The following CSGALNACT2 variants were observed in gnomAD, a reference collection of about 807,000 sequenced individuals.
CSGALNACT2 encodes the protein chondroitin sulfate N-acetylgalactosaminyltransferase 2.
CSGALNACT2 carries 35 observed loss-of-function variants against 55.3 expected under a neutral mutation model. That is an observed-to-expected ratio of 0.63 (90% CI 0.48 to 0.84). The LOEUF (loss-of-function observed/expected upper bound fraction) is 0.84. CSGALNACT2 is among the 40% of genes least tolerant of loss of function. The pLI is 0.00. For synonymous variants in CSGALNACT2, 196 were observed against 224.9 expected (o/e 0.87, Z 1.15); for missense variants, 544 against 657.5 (o/e 0.83, Z 1.89).
intron 4 of CSGALNACT2, chr10:43,162,486 A>G (rs1244978558): frequency 4.1e-6 from 4 of 985,376 alleles, no homozygotes; most frequent in Non-Finnish European, 4.8e-6. Flanking sequence ...GATGCTGAGT[A>G]TGTGGGGTGG....
At chr10:43,176,370 G>A (rs1839481432) in intron 7 of CSGALNACT2, among the ~76,000 whole-genome samples, 1 of 152,168 alleles carries the variant, frequency 6.6e-6, no homozygotes, top group Admixed American at 6.6e-5. Context: ...GTGCCCATGG[G>A]TTGTTACAGC....
Position 43,142,328 on chromosome 10 carries a change from C to T in CSGALNACT2, c.-254+3761C>T, listed in dbSNP as rs138537865. 3.4e-4 allele frequency among the ~76,000 whole-genome samples: 51 copies of T among 152,184 alleles called. No individual in the cohort carries two copies. In the East Asian group the frequency reaches 7.1e-3, roughly 21 times the overall value. On this transcript the variant is annotated intron_variant, in intron 1 of 7. Transcript: ENST00000374466. ...CTGGGTTCAAGTGATTCTCCTGCCT[C>T]GGCTTCCTGAGTAGCTGGGATTACA...
At position 43,154,993 on chromosome 10, in the gene CSGALNACT2, T is replaced by C. The variant is rs1415709433; in HGVS notation, c.-157T>C. The C allele has an allele frequency of 8.1e-6, 5 of 620,898 alleles. No homozygotes were observed. The highest frequency in any genetic ancestry group is 1.4e-5 in the Non-Finnish European group (5 of 352,744). 38.5% of individuals were successfully genotyped at this position (620,898 alleles called of 1,614,324 possible). A position where few individuals can be genotyped will look rare whatever the true frequency, so the allele number is the denominator to read the frequency against. On this transcript the variant is annotated 5_prime_UTR_variant, in exon 2 of 8. Transcript: ENST00000374466. ...GAAAGTATACATAATTTCCCATTTC[T>C]GCAAGTAGTCATGACTGCTGAAGAA... is the stretch of plus-strand genomic sequence containing the variant.
intron 4 of CSGALNACT2, chr10:43,162,150 G>A (rs551351246): frequency 1.6e-4 from 83 of 518,892 alleles, no homozygotes; most frequent in Middle Eastern, 3.2e-4. Flanking sequence ...CAAAATTCTC[G>A]TCTCCTTGTC....
chr10:43,139,178 A>C (rs973174421), intron 1 of CSGALNACT2, among the ~76,000 whole-genome samples: 3 of 152,122 alleles, frequency 2.0e-5, no homozygotes, highest in Non-Finnish European at 4.4e-5. Context: ...CGTGCTTTTG[A>C]GATAGATATG....
chr10:43,167,450 C>T (rs772403497), intron 6 of CSGALNACT2, among the ~76,000 whole-genome samples: 1 of 152,122 alleles, frequency 6.6e-6, no homozygotes, highest in Non-Finnish European at 1.5e-5. Context: ...TAAATCTACT[C>T]TGCTAAATAA....
chr10:43,166,918 CTT>C, intron 5 of CSGALNACT2, 84 bp from the exon 6 acceptor site: 1 of 708,528 alleles, frequency 1.4e-6, no homozygotes, highest in African/African-American at 1.8e-5. Context: ...TATAATAAGA[CTT>C]TGATAAAACT....
At chr10:43,159,917 A>T (rs1839108234) in intron 3 of CSGALNACT2, among the ~76,000 whole-genome samples, 1 of 152,228 alleles carries the variant, frequency 6.6e-6, no homozygotes, top group Non-Finnish European at 1.5e-5. Context: ...TTAAAAGGTT[A>T]ATTAAAACTG....
At chr10:43,164,620 G>A (rs1413240492) in intron 5 of CSGALNACT2, among the ~76,000 whole-genome samples, 3 of 152,164 alleles carry the variant, frequency 2.0e-5, no homozygotes, top group African/African-American at 7.2e-5. Context: ...AGGCTTAGGC[G>A]GGTGGATCAT....
chr10:43,157,726 G>A (rs114347655), intron 2 of CSGALNACT2, among the ~76,000 whole-genome samples: 3,951 of 152,022 alleles, frequency 0.026, 171 homozygotes, highest in African/African-American at 0.09. Flanking sequence ...TCTCCTGAGC[G>A]CCATACTTAA....
chr10:43,148,658 TG>T (rs1243444007), intron 1 of CSGALNACT2, among the ~76,000 whole-genome samples: 9 of 152,232 alleles, frequency 5.9e-5, no homozygotes, highest in Non-Finnish European at 7.4e-5. Context: ...TATACAGGAT[TG>T]TTTTTTTAAT....
chr10:43,140,629 G>A (rs1476226443), intron 1 of CSGALNACT2, among the ~76,000 whole-genome samples: 1 of 152,186 alleles, frequency 6.6e-6, no homozygotes, highest in African/African-American at 2.4e-5. Context: ...TATTACTCAA[G>A]TTAGTGGTTT....
At chr10:43,173,835 A>G (rs570874971) in intron 6 of CSGALNACT2, among the ~76,000 whole-genome samples, 4 of 152,232 alleles carry the variant, frequency 2.6e-5, no homozygotes, top group Admixed American at 2.6e-4. Flanking sequence ...TCTACTATAA[A>G]TACCAAAATT....
chr10:43,150,135 CT>C (rs1307730180), intron 1 of CSGALNACT2, among the ~76,000 whole-genome samples: 2 of 152,182 alleles, frequency 1.3e-5, no homozygotes, highest in African/African-American at 4.8e-5. Context: ...TTGGCCTGGA[CT>C]TTTCATTGTG....
chr10:43,163,692 T>C (rs1765191804), intron 4 of CSGALNACT2, 174 bp from the exon 5 acceptor site: 1 of 985,304 alleles, frequency 1.0e-6, no homozygotes, highest in Non-Finnish European at 1.2e-6. Context: ...GGTGAATATC[T>C]CTCCCTGATG....
intron 6 of CSGALNACT2, among the ~76,000 whole-genome samples, chr10:43,175,725 C>T (rs1839467718): frequency 6.6e-6 from 1 of 152,194 alleles, no homozygotes; most frequent in South Asian, 2.1e-4. Flanking sequence ...TGAAGTCAGG[C>T]ACCACAATGA....
At position 43,155,003 on chromosome 10, in the gene CSGALNACT2, C is replaced by A; in HGVS notation, c.-147C>A. 1.5e-6 allele frequency: 1 copy of A among 658,818 alleles called. No homozygotes were observed. The highest frequency in any genetic ancestry group is 2.6e-6 in the Non-Finnish European group (1 of 383,802). The allele number at this position is 658,818 out of a possible 1,614,324, so 40.8% of individuals were successfully genotyped here. ...ATAATTTCCCATTTCTGCAAGTAGT[C>A]ATGACTGCTGAAGAAAGAAAAACTT... On this transcript the variant is annotated 5_prime_UTR_variant, in exon 2 of 8. Transcript: ENST00000374466.
At chr10:43,151,069 T>G (rs1838864830) in intron 1 of CSGALNACT2, among the ~76,000 whole-genome samples, 1 of 152,226 alleles carries the variant, frequency 6.6e-6, no homozygotes, top group East Asian at 1.9e-4. Flanking sequence ...CATTCATACC[T>G]CTACTTAAAT....
chr10:43,143,585 TC>T (rs1838680538), intron 1 of CSGALNACT2, among the ~76,000 whole-genome samples: 1 of 151,642 alleles, frequency 6.6e-6, no homozygotes, highest in Non-Finnish European at 1.5e-5. Flanking sequence ...CATTGACTGT[TC>T]AGGCAAAACT....
Sources: allele counts gnomAD v4.1 joint callset (sites outside exome capture counted in the v4.1 genomes callset), GRCh38; gene constraint gnomAD v4.1.1; transcripts MANE v1.5; gene names NCBI Gene and HGNC (gene_info 2026-07-23, HGNC 2026-07-21).